The following AEBP2 variants were observed in gnomAD, a reference collection of about 807,000 sequenced individuals.
The protein encoded by AEBP2 is AE binding protein 2.
Under a neutral mutation model 50.8 loss-of-function variants are expected in AEBP2, and 10 were observed. The observed-to-expected ratio is 0.20, with a 90% CI of 0.12 to 0.33. The LOEUF (loss-of-function observed/expected upper bound fraction) is 0.33, where lower values mean the gene tolerates loss of function less well. Ranked by LOEUF, AEBP2 falls within the 10% of genes least tolerant of loss-of-function variation. The pLI is 1.00. For missense variants in AEBP2, 570 were observed against 688.0 expected (o/e 0.83, Z 1.92); for synonymous variants, 296 against 261.3 (o/e 1.13, Z -1.28).
chr12:19,460,412 G>C (rs1335259706), intron 1 of AEBP2, among the ~76,000 whole-genome samples: 1 of 152,080 alleles, frequency 6.6e-6, no homozygotes, highest in Non-Finnish European at 1.5e-5. Context: ...CGTTACCTTG[G>C]CTCACTGCAA....
At chr12:19,513,550 G>A (rs1000115127) in intron 6 of AEBP2, among the ~76,000 whole-genome samples, 3 of 152,158 alleles carry the variant, frequency 2.0e-5, no homozygotes, top group Non-Finnish European at 4.4e-5. Flanking sequence ...TTTTAGGGCA[G>A]GAGTTTGAGA....
chr12:19,467,677 C>T (rs182355929), intron 2 of AEBP2, among the ~76,000 whole-genome samples: 1 of 152,248 alleles, frequency 6.6e-6, no homozygotes, highest in East Asian at 1.9e-4. Context: ...TCCCAGTGTC[C>T]TCTTAATATA....
chr12:19,474,793 G>GTTT (rs11438547), intron 3 of AEBP2, among the ~76,000 whole-genome samples: 1 of 150,700 alleles, frequency 6.6e-6, no homozygotes, highest in South Asian at 2.1e-4. Flanking sequence ...AATTTGAATA[G>GTTT]TTTTTTTTTC....
At chr12:19,461,803 G>A (rs1053991417) in intron 1 of AEBP2, among the ~76,000 whole-genome samples, 3 of 152,094 alleles carry the variant, frequency 2.0e-5, no homozygotes, top group African/African-American at 4.8e-5. Flanking sequence ...GAGCCACTGC[G>A]TCCAGCCATA....
chr12:19,413,646 TG>T (rs1400565318), intron 1 of AEBP2, among the ~76,000 whole-genome samples: 1 of 152,188 alleles, frequency 6.6e-6, no homozygotes, highest in Non-Finnish European at 1.5e-5. Context: ...GGCCGCTGGT[TG>T]TCCATTTTTA....
At chr12:19,475,791 G>A (rs1343872640) in intron 3 of AEBP2, among the ~76,000 whole-genome samples, 1 of 152,024 alleles carries the variant, frequency 6.6e-6, no homozygotes, top group Admixed American at 6.6e-5. Context: ...CATTATTGTA[G>A]GAATAAGGTG....
At chr12:19,434,616 A>G (rs2095753268), upstream of AEBP2, among the ~76,000 whole-genome samples, 1 of 152,236 alleles carries the variant, frequency 6.6e-6, no homozygotes, top group African/African-American at 2.4e-5. Flanking sequence ...TGAGCTGGGG[A>G]ATGACTTTGG....
At chr12:19,439,298 T>C (rs1158031934), upstream of AEBP2, among the ~76,000 whole-genome samples, 1 of 151,448 alleles carries the variant, frequency 6.6e-6, no homozygotes, top group African/African-American at 2.4e-5. Flanking sequence ...GTTGGAGTTT[T>C]CAGTCCGCGT....
In AEBP2 at chr12:19,521,626, ATCTC is replaced by A. The variant is rs1949400366; in HGVS notation, c.*3512_*3515del. ...AGGAAATTAAAGATGGACAATAATT[ATCTC>A]TCAATATTTTAAGATTTGTTTTACT... On this transcript the variant is annotated 3_prime_UTR_variant, in exon 8 of 8. Coordinates refer to ENST00000266508, the MANE Select transcript of AEBP2 (RefSeq NM_153207.5). 6.6e-6 allele frequency: 1 copy of A among 152,140 alleles called. No individual in the cohort carries two copies. The highest frequency in any genetic ancestry group is 2.4e-5 in the African/African-American group (1 of 41,458). The allele number at this position is 152,140 out of a possible 1,614,324, so 9.4% of individuals were successfully genotyped here. A position where few individuals can be genotyped will look rare whatever the true frequency, so the allele number is the denominator to read the frequency against.
chr12:19,445,799 T>C (rs1948051356), intron 1 of AEBP2: 1 of 152,242 alleles, frequency 6.6e-6, no homozygotes, highest in African/African-American at 2.4e-5. Flanking sequence ...TTTCTATGAC[T>C]GTTCTGTGGT....
intron 4 of AEBP2, among the ~76,000 whole-genome samples, chr12:19,496,474 TG>T (rs1439964414): frequency 6.6e-6 from 1 of 152,198 alleles, no homozygotes; most frequent in Admixed American, 6.5e-5. Context: ...TGAATTAGCA[TG>T]GTTAACAGCT....
At chr12:19,458,506 G>A (rs1684856271) in intron 1 of AEBP2, among the ~76,000 whole-genome samples, 1 of 152,184 alleles carries the variant, frequency 6.6e-6, no homozygotes, top group African/African-American at 2.4e-5. Context: ...TTTACATTAT[G>A]TTGTCTTTAT....
chr12:19,461,467 C>T (rs1328835398), intron 1 of AEBP2, among the ~76,000 whole-genome samples: 1 of 151,986 alleles, frequency 6.6e-6, no homozygotes, highest in Non-Finnish European at 1.5e-5. Context: ...TGGTGTTTTG[C>T]TCTTGTTGAC....
At chr12:19,475,775 T>G (rs192087695) in intron 3 of AEBP2, among the ~76,000 whole-genome samples, 74 of 152,286 alleles carry the variant, frequency 4.9e-4, no homozygotes, top group African/African-American at 1.7e-3. Flanking sequence ...CCTTTTAAAT[T>G]ATGGCCATTA....
chr12:19,455,903 CTCA>C, intron 1 of AEBP2, among the ~76,000 whole-genome samples: 1 of 151,830 alleles, frequency 6.6e-6, no homozygotes, highest in African/African-American at 2.4e-5. Flanking sequence ...CTTAGATGGT[CTCA>C]TCAGTTTCAG....
intron 3 of AEBP2, among the ~76,000 whole-genome samples, chr12:19,483,347 T>C (rs1948758283): frequency 2.6e-5 from 4 of 152,172 alleles, no homozygotes. Flanking sequence ...TCGTCTCCCA[T>C]GATCTGGATT....
At chr12:19,511,330 C>A (rs987974831) in intron 5 of AEBP2, among the ~76,000 whole-genome samples, 1 of 152,074 alleles carries the variant, frequency 6.6e-6, no homozygotes, top group Non-Finnish European at 1.5e-5. Flanking sequence ...GTTGGTTGTT[C>A]CATTAAGTTA....
chr12:19,507,608 G>A (rs1326314848), intron 5 of AEBP2, among the ~76,000 whole-genome samples: 2 of 152,166 alleles, frequency 1.3e-5, no homozygotes, highest in African/African-American at 4.8e-5. Context: ...TGAGGAGGCA[G>A]AGGTACCTTA....
At chr12:19,444,804 G>A (rs1300713064) in intron 1 of AEBP2, among the ~76,000 whole-genome samples, 1 of 152,150 alleles carries the variant, frequency 6.6e-6, no homozygotes, top group Non-Finnish European at 1.5e-5. Flanking sequence ...TAGTATCTTT[G>A]TAAGTACCTA....
Sources: allele counts gnomAD v4.1 joint callset (sites outside exome capture counted in the v4.1 genomes callset), GRCh38; gene constraint gnomAD v4.1.1; transcripts MANE v1.5; gene names NCBI Gene and HGNC (gene_info 2026-07-23, HGNC 2026-07-21).